The following ASCC3 variants were observed in gnomAD, a reference collection of about 807,000 sequenced individuals.
ASCC3 encodes ASC-1 complex subunit P200.
In ASCC3, 158 loss-of-function variants were observed where a neutral mutation model predicts 256.3. The ratio of observed to expected loss-of-function variants is 0.62; its 90% CI spans 0.54 to 0.70. The LOEUF is 0.70. Ranked by LOEUF, ASCC3 falls within the 30% of genes least tolerant of loss-of-function variation. The probability of loss-of-function intolerance (pLI) is 0.00; values close to 1 mark genes in which losing one functional copy is unlikely to be tolerated. For missense variants in ASCC3, 2,259 were observed against 2,626.0 expected, an observed-to-expected ratio of 0.86 and a Z score of 3.05; for synonymous variants, 948 against 883.4, an observed-to-expected ratio of 1.07 and a Z score of -1.30.
rs750497269 is a variant in ASCC3 at position 100,657,387 on chromosome 6, C to G, written c.2704-1569G>C. On this transcript the variant is annotated intron_variant, in intron 16 of 41. Transcript: ENST00000369162. ...AATTCATGAAGATTTACAACTAAAACAGTTAAACATTTTCTAGTCTACTTA... is the reference window on the plus strand; with the variant it reads ...AATTCATGAAGATTTACAACTAAAAGAGTTAAACATTTTCTAGTCTACTTA... 1.2e-4 allele frequency among the ~76,000 whole-genome samples: 18 copies of G among 151,488 alleles called. 1 individual carries two copies. Among genetic ancestry groups the G allele is most frequent in the Admixed American group, 4.0e-4 (6 of 15,178 alleles).
intron 27 of ASCC3, 27 bp from the exon 28 acceptor site, chr6:100,628,014 A>C: frequency 1.2e-6 from 2 of 1,611,288 alleles, no homozygotes; most frequent in Non-Finnish European, 1.7e-6. Context: ...AATCAATGTT[A>C]ATCATTTAAC....
chr6:100,854,384 C>T (rs9404055), intron 3 of ASCC3, among the ~76,000 whole-genome samples: 19,632 of 152,002 alleles, frequency 0.13, 2,243 homozygotes, highest in East Asian at 0.31. Flanking sequence ...GCACCTTTAG[C>T]AATACCTTGC....
chr6:100,821,291 T>C (rs188786326), intron 4 of ASCC3, among the ~76,000 whole-genome samples: 14 of 152,276 alleles, frequency 9.2e-5, no homozygotes, highest in Non-Finnish European at 1.6e-4. Flanking sequence ...GCTGGGATTA[T>C]AGGCATGAGC....
intron 30 of ASCC3, among the ~76,000 whole-genome samples, chr6:100,614,801 T>C (rs240157): frequency 0.073 from 11,165 of 152,240 alleles, 611 homozygotes; most frequent in African/African-American, 0.15. Context: ...AATAATGAGT[T>C]ATGAAATAAT....
intron 1 of ASCC3, among the ~76,000 whole-genome samples, chr6:100,877,651 T>C (rs1769049080): frequency 6.6e-6 from 1 of 152,154 alleles, no homozygotes; most frequent in Non-Finnish European, 1.5e-5. Context: ...TCTAGGCACA[T>C]TTAACTTTCT....
At position 100,655,838 on chromosome 6, in the gene ASCC3, CAG is replaced by C. The variant is rs1369199567; in HGVS notation, c.2704-22_2704-21del. The stretch of plus-strand genomic sequence containing the variant: ...AGCAATCTGCAAATCAAAAAGATGA[CAG>C]AAATTAATGTATTAAAGTTGAACAT... On this transcript the variant is annotated intron_variant, in intron 16 of 41. Coordinates refer to ENST00000369162, the MANE Select transcript of ASCC3 (RefSeq NM_006828.4). 6.2e-7 allele frequency: 1 copy of C among 1,608,946 alleles called. No individual in the cohort carries two copies. Among genetic ancestry groups the C allele is most frequent in the Admixed American group, 1.7e-5 (1 of 59,926 alleles).
At chr6:100,661,498 A>G (rs9498017) in intron 16 of ASCC3, among the ~76,000 whole-genome samples, 13,065 of 151,884 alleles carry the variant, frequency 0.086, 1,362 homozygotes, top group East Asian at 0.45. Context: ...AAAGTGCCAT[A>G]CAAATATTAA....
intron 10 of ASCC3, among the ~76,000 whole-genome samples, chr6:100,754,037 C>T (rs1349646564): frequency 6.6e-6 from 1 of 152,080 alleles, no homozygotes; most frequent in South Asian, 2.1e-4. Context: ...TTTAACTATT[C>T]AATAATTGTG....
Position 100,625,308 on chromosome 6 carries a change from G to A in ASCC3, c.4669C>T (p.Pro1557Ser), listed in dbSNP as rs776527223. The A allele has an allele frequency of 1.8e-5, 29 of 1,612,782 alleles. No individual in the cohort carries two copies. Among genetic ancestry groups the A allele is most frequent in the Non-Finnish European group, 2.5e-5 (29 of 1,179,122 alleles). The change falls in exon 30 of 42, where the codon CCT becomes TCT. Residue 1557 changes from proline (P) to serine (S), a missense_variant. Transcript: ENST00000369162. ...QAIRSHSPAK[P>S]VLIFVSSRRQ... The stretch of plus-strand genomic sequence containing the variant: ...CTTGATGAGACAAATATCAAAACAG[G>A]TTTGGCTGGAGAATGGCTTCTAATT...
intron 37 of ASCC3, among the ~76,000 whole-genome samples, chr6:100,527,707 T>A (rs547776476): frequency 1.3e-5 from 2 of 152,284 alleles, no homozygotes; most frequent in East Asian, 3.9e-4. Flanking sequence ...AGTCATAATA[T>A]CTTTCACTTA....
intron 25 of ASCC3, among the ~76,000 whole-genome samples, chr6:100,631,806 T>C (rs1774558500): frequency 6.6e-6 from 1 of 152,000 alleles, no homozygotes; most frequent in Non-Finnish European, 1.5e-5. Flanking sequence ...ATTCCCTTTA[T>C]GTTTCTAATT....
intron 4 of ASCC3, among the ~76,000 whole-genome samples, chr6:100,837,818 T>G (rs955507203): frequency 6.6e-5 from 10 of 152,008 alleles, no homozygotes; most frequent in Admixed American, 6.6e-4. Flanking sequence ...GCCTATCTAG[T>G]GCACAGTAGG....
At chr6:100,768,667 C>A (rs2115135430) in intron 8 of ASCC3, among the ~76,000 whole-genome samples, 1 of 152,168 alleles carries the variant, frequency 6.6e-6, no homozygotes, top group African/African-American at 2.4e-5. Flanking sequence ...ATCTATAGAA[C>A]AAGGAGGCAT....
intron 12 of ASCC3, among the ~76,000 whole-genome samples, 196 bp downstream of exon 12, chr6:100,717,879 T>C (rs772886010): frequency 1.3e-5 from 2 of 152,124 alleles, no homozygotes; most frequent in African/African-American, 4.8e-5. Flanking sequence ...CTTACTCTAC[T>C]ACAAATAGTT....
chr6:100,808,497 T>C (rs1770300309), intron 4 of ASCC3, among the ~76,000 whole-genome samples: 2 of 151,970 alleles, frequency 1.3e-5, no homozygotes, highest in South Asian at 4.1e-4. Flanking sequence ...TGAGCCTGGA[T>C]TCCCTTTGTA....
At chr6:100,712,669 T>C (rs1287119954) in intron 13 of ASCC3, among the ~76,000 whole-genome samples, 2 of 151,236 alleles carry the variant, frequency 1.3e-5, no homozygotes, top group Non-Finnish European at 1.5e-5. Flanking sequence ...GTATGAAAAA[T>C]GGTATAGGTA....
intron 13 of ASCC3, among the ~76,000 whole-genome samples, chr6:100,684,198 T>TGTGAGTTA (rs1163597115): frequency 1.3e-5 from 2 of 152,220 alleles, no homozygotes; most frequent in Non-Finnish European, 2.9e-5. Context: ...TAAATATCAG[T>TGTGAGTTA]GTGAGTTAGA....
intron 10 of ASCC3, among the ~76,000 whole-genome samples, chr6:100,731,037 C>T (rs1779879561): frequency 1.3e-5 from 2 of 151,224 alleles, no homozygotes; most frequent in Admixed American, 1.3e-4. Flanking sequence ...AAGAGTGTCA[C>T]CTGAAATGTA....
At chr6:100,703,966 TATAGG>T (rs1778461415) in intron 13 of ASCC3, among the ~76,000 whole-genome samples, 1 of 151,530 alleles carries the variant, frequency 6.6e-6, no homozygotes. Flanking sequence ...TTATCTTATA[TATAGG>T]AAAGTTTTAA....
Sources: gnomAD v4.1 joint callset for allele counts (sites outside exome capture counted in the v4.1 genomes callset) on GRCh38, gnomAD v4.1.1 for gene constraint, MANE v1.5 for transcripts, NCBI Gene and HGNC (gene_info 2026-07-23, HGNC 2026-07-21) for gene names.